Variants in EXOC4 observed in about 807,000 individuals in gnomAD.
The protein encoded by EXOC4 is exocyst complex component 4, also known as SEC8-like 1.
In EXOC4, 71 loss-of-function variants were observed where a neutral mutation model predicts 107.2. The ratio of observed to expected loss-of-function variants is 0.66; its 90% confidence interval spans 0.55 to 0.81. The LOEUF (loss-of-function observed/expected upper bound fraction) is 0.81, where lower values mean the gene tolerates loss of function less well. Among genes scored for constraint, EXOC4 ranks in the 30% least tolerant of loss-of-function variants. EXOC4 has a pLI of 0.00. For missense variants in EXOC4, 1,108 were observed against 1,189.6 expected, an observed-to-expected ratio of 0.93 and a Z score of 1.01; for synonymous variants, 456 against 441.2, an observed-to-expected ratio of 1.03 and a Z score of -0.42.
chr7:133,424,324 C>G (rs1356655740), intron 7 of EXOC4, among the ~76,000 whole-genome samples: 1 of 152,168 alleles, frequency 6.6e-6, no homozygotes, highest in African/African-American at 2.4e-5. Flanking sequence ...AGCGAGACCA[C>G]GAACCCACCA....
chr7:133,576,536 A>G, intron 9 of EXOC4: 1 of 1,289,582 alleles, frequency 7.8e-7, no homozygotes, highest in Non-Finnish European at 1.0e-6. Context: ...AGTAACAGCA[A>G]GCAAAACCAA....
intron 7 of EXOC4, among the ~76,000 whole-genome samples, chr7:133,430,508 C>T (rs998810284): frequency 6.6e-6 from 1 of 152,066 alleles, no homozygotes; most frequent in African/African-American, 2.4e-5. Context: ...TTTGTTTATC[C>T]ATTCATCAGT....
intron 17 of EXOC4, among the ~76,000 whole-genome samples, chr7:134,057,530 T>C (rs1039282152): frequency 4.6e-5 from 7 of 152,340 alleles, no homozygotes; most frequent in Non-Finnish European, 7.3e-5. Context: ...TGTAATAAAC[T>C]TTAAGCTCTT....
intron 9 of EXOC4, among the ~76,000 whole-genome samples, chr7:133,623,720 C>T (rs1333774291): frequency 6.6e-6 from 1 of 152,124 alleles, no homozygotes; most frequent in African/African-American, 2.4e-5. Flanking sequence ...CTTGACTTTG[C>T]TGTCATAGTA....
chr7:133,504,130 A>C (rs1250445536), intron 9 of EXOC4, among the ~76,000 whole-genome samples: 1 of 152,160 alleles, frequency 6.6e-6, no homozygotes, highest in Non-Finnish European at 1.5e-5. Flanking sequence ...AAAGCATATG[A>C]AATGATATCC....
At chr7:133,293,325 A>G (rs971725161) in intron 3 of EXOC4, among the ~76,000 whole-genome samples, 2 of 152,190 alleles carry the variant, frequency 1.3e-5, no homozygotes, top group African/African-American at 2.4e-5. Flanking sequence ...ATGAAAAACA[A>G]TCACATTTTC....
intron 13 of EXOC4, among the ~76,000 whole-genome samples, chr7:133,929,002 G>A (rs1299155954): frequency 7.4e-6 from 1 of 134,662 alleles, no homozygotes; most frequent in Non-Finnish European, 1.5e-5. Flanking sequence ...GCACCATCTC[G>A]GCTCACTGCA....
the EXOC4 span, among the ~76,000 whole-genome samples, chr7:134,085,542 A>G: frequency 2.6e-5 from 4 of 152,178 alleles, no homozygotes; most frequent in African/African-American, 9.7e-5. Context: ...AAGCTGTGCA[A>G]ATGAGCAGCC....
At chr7:133,259,453 C>T (rs952462535) in intron 1 of EXOC4, among the ~76,000 whole-genome samples, 1 of 152,026 alleles carries the variant, frequency 6.6e-6, no homozygotes, top group South Asian at 2.1e-4. Flanking sequence ...TCTCAAACTC[C>T]TGACCTTAGG....
rs1025750142 is a variant in EXOC4, at chr7:134,014,481, T to C, written c.2687+6646T>C. Among the ~76,000 whole-genome samples, 3 of 152,200 alleles carry C rather than the reference T, an allele frequency of 2.0e-5. No individual in the cohort carries two copies. The East Asian group carries it at 5.8e-4, about 29-fold the overall frequency. ...TGGTACATTCATACAATGGAGTTTATTTGGCCACAGAAAGACATGATGTGC... is the reference window on the plus strand; with the variant it reads ...TGGTACATTCATACAATGGAGTTTACTTGGCCACAGAAAGACATGATGTGC... On this transcript the variant is annotated intron_variant, in intron 17 of 17. Coordinates refer to ENST00000253861, the MANE Select transcript of EXOC4 (RefSeq NM_021807.4).
At chr7:133,544,059 T>C (rs1232729443) in intron 9 of EXOC4, among the ~76,000 whole-genome samples, 2 of 152,192 alleles carry the variant, frequency 1.3e-5, no homozygotes, top group African/African-American at 4.8e-5. Context: ...TATTATTACA[T>C]ACATATATTT....
At chr7:133,259,703 C>A (rs1006704127) in intron 1 of EXOC4, among the ~76,000 whole-genome samples, 2 of 152,136 alleles carry the variant, frequency 1.3e-5, no homozygotes, top group Non-Finnish European at 2.9e-5. Flanking sequence ...ATTTTATCCT[C>A]CTAAAGTTAT....
the EXOC4 span, among the ~76,000 whole-genome samples, chr7:134,085,800 G>T: frequency 6.6e-6 from 1 of 152,174 alleles, no homozygotes; most frequent in Admixed American, 6.5e-5. Context: ...TGCAATACCA[G>T]TTGGGGCAAA....
intron 2 of EXOC4, among the ~76,000 whole-genome samples, chr7:133,284,953 T>A (rs1184500471): frequency 1.3e-5 from 2 of 152,202 alleles, no homozygotes; most frequent in East Asian, 3.8e-4. Context: ...TTTTACTCTT[T>A]TAGTTTTTCT....
intron 10 of EXOC4, among the ~76,000 whole-genome samples, chr7:133,637,812 A>G (rs1338189091): frequency 6.6e-6 from 1 of 152,130 alleles, no homozygotes; most frequent in East Asian, 1.9e-4. Flanking sequence ...AAAAAATTTC[A>G]TTCTAAACTT....
At chr7:133,906,778 A>G (rs1237323297) in intron 12 of EXOC4, among the ~76,000 whole-genome samples, 2 of 152,174 alleles carry the variant, frequency 1.3e-5, no homozygotes, top group Non-Finnish European at 2.9e-5. Context: ...CTGATCCACC[A>G]AGGGGCCTAT....
At chr7:133,751,084 T>G (rs2151138470) in intron 10 of EXOC4, among the ~76,000 whole-genome samples, 1 of 152,350 alleles carries the variant, frequency 6.6e-6, no homozygotes, top group East Asian at 1.9e-4. Flanking sequence ...GTTTCATGTT[T>G]TATGGAAGAC....
At chr7:133,453,696 G>A (rs920182200) in intron 7 of EXOC4, among the ~76,000 whole-genome samples, 4 of 151,926 alleles carry the variant, frequency 2.6e-5, no homozygotes, top group African/African-American at 9.7e-5. Context: ...TTTTAAGCAT[G>A]TATTAAAGAG....
At position 133,650,937 on chromosome 7, in the gene EXOC4, GTTTTTTTTTTTT is replaced by G. The variant is rs200499348; in HGVS notation, c.1514+20810_1514+20821del. 2.9e-3 allele frequency among the ~76,000 whole-genome samples: 260 copies of G among 88,738 alleles called. 2 individuals are homozygous for G. The highest frequency in any genetic ancestry group is 0.01 in the African/African-American group (231 of 22,200). 58.2% of individuals were successfully genotyped at this position (88,738 alleles called of 152,430 possible). On this transcript the variant is annotated intron_variant, in intron 10 of 17. Transcript: ENST00000253861. The stretch of plus-strand genomic sequence containing the variant: ...TCTTAGTACATACTGAGATTGGTCA[GTTTTTTTTTTTT>G]TTTTTTTTTTTTTGGAATGGGCATT...
Sources: allele counts gnomAD v4.1 joint callset (sites outside exome capture counted in the v4.1 genomes callset), GRCh38; gene constraint gnomAD v4.1.1; transcripts MANE v1.5; gene names NCBI Gene and HGNC (gene_info 2026-07-23, HGNC 2026-07-21).